NAT1: variants seen among roughly 807,000 people sequenced by gnomAD.
NAT1 encodes N-acetyltransferase 1.
For synonymous variants in NAT1, 144 were observed against 122.6 expected, an observed-to-expected ratio of 1.17 and a Z score of -1.16; for missense variants, 400 against 339.2, an observed-to-expected ratio of 1.18 and a Z score of -1.41.
chr8:18,196,695 A>C (rs772919200), intron 2 of NAT1, among the ~76,000 whole-genome samples: 24 of 152,228 alleles, frequency 1.6e-4, no homozygotes, highest in Non-Finnish European at 2.9e-4. Flanking sequence ...GACAATGATA[A>C]ATGCATAAAT....
intron 2 of NAT1, among the ~76,000 whole-genome samples, chr8:18,193,450 C>T (rs1803098472): frequency 7.6e-6 from 1 of 132,162 alleles, no homozygotes; most frequent in African/African-American, 2.7e-5. Context: ...GAGTGAGACT[C>T]TGTCTAAAAA....
At chr8:18,188,425 A>G (rs1802830127) in intron 2 of NAT1, among the ~76,000 whole-genome samples, 1 of 152,152 alleles carries the variant, frequency 6.6e-6, no homozygotes, top group African/African-American at 2.4e-5. Flanking sequence ...ATATTCCAGC[A>G]TGGGGGAGGA....
chr8:18,219,281 A>G, intron 1 of NAT1, 130 bp from the exon 2 acceptor site: 1 of 626,770 alleles, frequency 1.6e-6, no homozygotes, highest in East Asian at 2.8e-5. Flanking sequence ...TGTTCACTTT[A>G]CTGTGCAGTC....
chr8:18,209,955 G>C (rs972385287), upstream of NAT1: 3 of 152,036 alleles, frequency 2.0e-5, no homozygotes, highest in African/African-American at 7.3e-5. Context: ...CCTTTTTTAT[G>C]GTAAGATATG....
At chr8:18,177,542 G>A (rs1236064934) in intron 2 of NAT1, among the ~76,000 whole-genome samples, 1 of 151,968 alleles carries the variant, frequency 6.6e-6, no homozygotes, top group Non-Finnish European at 1.5e-5. Context: ...AATACTACTA[G>A]GTATTACATG....
intron 1 of NAT1, among the ~76,000 whole-genome samples, chr8:18,213,862 G>A (rs962709697): frequency 5.4e-5 from 8 of 149,504 alleles, no homozygotes; most frequent in African/African-American, 9.9e-5. Context: ...CGCCCAGGCC[G>A]GGGTGCGGTG....
chr8:18,174,989 T>C (rs900744897), intron 2 of NAT1, among the ~76,000 whole-genome samples: 9 of 152,112 alleles, frequency 5.9e-5, no homozygotes, highest in African/African-American at 2.2e-4. Flanking sequence ...TCTTCTTATA[T>C]TCCTGCTGCC....
intron 1 of NAT1, among the ~76,000 whole-genome samples, chr8:18,214,956 A>G (rs1034788140): frequency 1.3e-5 from 2 of 152,262 alleles, no homozygotes; most frequent in East Asian, 1.9e-4. Context: ...TCCTGCTCCT[A>G]TGTTAGTTTG....
Position 18,222,636 on chromosome 8 carries a change from C to G in NAT1, c.589C>G (p.Arg197Gly), listed in dbSNP as rs778732687. The G allele has an allele frequency of 3.7e-5, 59 of 1,613,132 alleles. No individual in the cohort carries two copies. The highest frequency in any genetic ancestry group is 4.3e-5 in the Non-Finnish European group (51 of 1,179,762). ...RKIYSFTLKPRTIEDFESMNT... is the reference protein window; with the variant it reads ...RKIYSFTLKPGTIEDFESMNT... The stretch of plus-strand genomic sequence containing the variant: ...AATCTACTCCTTTACTCTTAAGCCT[C>G]GAACAATTGAAGATTTTGAGTCTAT... The change falls in exon 3 of 3, where the codon CGA becomes GGA. Residue 197 changes from arginine (R) to glycine (G), a missense_variant. Physicochemically the swap from Arg to Gly is moderately radical, Grantham distance 125 (BLOSUM62 -2). Coordinates refer to ENST00000307719, the MANE Select transcript of NAT1 (RefSeq NM_000662.8).
intron 2 of NAT1, among the ~76,000 whole-genome samples, chr8:18,204,563 C>T (rs1263134110): frequency 1.6e-5 from 1 of 61,930 alleles, no homozygotes; most frequent in Non-Finnish European, 2.9e-5. Flanking sequence ...TAATATGATA[C>T]AGAACAAAAT....
At position 18,222,946 on chromosome 8, in the gene NAT1, A is replaced by C; in HGVS notation, c.*26A>C. ...AATAAGGAGTAAAACAATCTTGTCT[A>C]TTTGTCATCCAGCTCACCAGTTATC... On this transcript the variant is annotated 3_prime_UTR_variant, in exon 3 of 3. Transcript: ENST00000307719. 6.6e-7 allele frequency: 1 copy of C among 1,512,750 alleles called. No individual in the cohort carries two copies. Among genetic ancestry groups the C allele is most frequent in the South Asian group, 1.4e-5 (1 of 69,510 alleles). 93.7% of individuals were successfully genotyped at this position (1,512,750 alleles called of 1,614,324 possible).
chr8:18,187,084 A>C (rs113093810), intron 2 of NAT1, among the ~76,000 whole-genome samples: 2 of 152,326 alleles, frequency 1.3e-5, no homozygotes, highest in South Asian at 4.1e-4. Flanking sequence ...AGCTGGAATG[A>C]AGTGTTGTCT....
intron 2 of NAT1, among the ~76,000 whole-genome samples, chr8:18,202,863 G>C (rs936686174): frequency 6.6e-6 from 1 of 152,162 alleles, no homozygotes; most frequent in African/African-American, 2.4e-5. Context: ...TGGCTTGGGT[G>C]ACCGGCTGTT....
At position 18,221,770 on chromosome 8, in the gene NAT1, T is replaced by A. The variant is rs17126356; in HGVS notation, c.-6-272T>A. On this transcript the variant is annotated intron_variant, in intron 2 of 2. Coordinates refer to ENST00000307719, the MANE Select transcript of NAT1 (RefSeq NM_000662.8). ...CTTTTATTAATCACCAAGAGAACCA[T>A]GAACAAGCTGTTTATCATTTGACTC... The A allele has an allele frequency of 8.3e-3, 2,656 of 319,368 alleles. 65 individuals are homozygous for A. Among genetic ancestry groups the A allele is most frequent in the African/African-American group, 0.051 (2,345 of 46,172 alleles). The allele number at this position is 319,368 out of a possible 1,614,324, so 19.8% of individuals were successfully genotyped here. A position where few individuals can be genotyped will look rare whatever the true frequency, so the allele number is the denominator to read the frequency against.
intron 2 of NAT1, among the ~76,000 whole-genome samples, chr8:18,200,296 G>T (rs148879904): frequency 6.9e-6 from 1 of 144,372 alleles, no homozygotes; most frequent in Non-Finnish European, 1.5e-5. Context: ...CAACCTAGGT[G>T]CCCATCAATG....
At chr8:18,175,915 G>A (rs1315886663) in intron 2 of NAT1, among the ~76,000 whole-genome samples, 1 of 151,902 alleles carries the variant, frequency 6.6e-6, no homozygotes, top group Non-Finnish European at 1.5e-5. Context: ...CAGATGTAAG[G>A]CAATATCTCA....
At chr8:18,183,224 C>G (rs1802592473) in intron 2 of NAT1, among the ~76,000 whole-genome samples, 2 of 152,158 alleles carry the variant, frequency 1.3e-5, no homozygotes. Context: ...TTAATCCATT[C>G]ATAAGTGCTC....
intron 2 of NAT1, among the ~76,000 whole-genome samples, chr8:18,178,559 C>T: frequency 6.6e-6 from 1 of 152,042 alleles, no homozygotes; most frequent in East Asian, 1.9e-4. Flanking sequence ...TTACAGTGCT[C>T]AGTGAGATGT....
At chr8:18,181,312 G>A (rs1447472268) in intron 2 of NAT1, among the ~76,000 whole-genome samples, 2 of 151,756 alleles carry the variant, frequency 1.3e-5, no homozygotes, top group Non-Finnish European at 2.9e-5. Flanking sequence ...TTTGCAATTG[G>A]CTATTGGCTG....
Sources: gnomAD v4.1 joint callset for allele counts (sites outside exome capture counted in the v4.1 genomes callset) on GRCh38, gnomAD v4.1.1 for gene constraint, MANE v1.5 for transcripts, NCBI Gene and HGNC (gene_info 2026-07-23, HGNC 2026-07-21) for gene names.